DRD3: variants seen among roughly 807,000 people sequenced by gnomAD.
The protein encoded by DRD3 is dopamine receptor D3, also known as D(3) dopamine receptor.
In DRD3, 19 loss-of-function variants were observed where a neutral mutation model predicts 36.3. The ratio of observed to expected loss-of-function variants is 0.52; its 90% CI spans 0.36 to 0.77. DRD3 has a LOEUF of 0.77. DRD3 is among the 30% of genes least tolerant of loss of function. DRD3 has a pLI of 0.00. For synonymous variants in DRD3, 195 were observed against 203.7 expected, an observed-to-expected ratio of 0.96 and a Z score of 0.36; for missense variants, 465 against 505.3, an observed-to-expected ratio of 0.92 and a Z score of 0.77.
intron 4 of DRD3, among the ~76,000 whole-genome samples, chr3:114,143,496 G>A (rs555547444): frequency 1.3e-5 from 2 of 152,350 alleles, no homozygotes; most frequent in East Asian, 3.9e-4. Context: ...GACCCACCAT[G>A]ATGTGGACAG....
intron 3 of DRD3, among the ~76,000 whole-genome samples, chr3:114,148,806 A>G (rs324037): frequency 0.98 from 148,758 of 152,152 alleles, 72,812 homozygotes; most frequent in Middle Eastern, 1. Flanking sequence ...TCTGTCTCCC[A>G]GGTTCAAGCA....
intron 4 of DRD3, among the ~76,000 whole-genome samples, chr3:114,143,015 C>T (rs1459151352): frequency 6.6e-6 from 1 of 152,180 alleles, no homozygotes; most frequent in Non-Finnish European, 1.5e-5. Flanking sequence ...CAGAGTGATG[C>T]ACCACACAGC....
At chr3:114,181,978 G>A (rs993375148), upstream of DRD3, among the ~76,000 whole-genome samples, 2 of 152,128 alleles carry the variant, frequency 1.3e-5, no homozygotes, top group African/African-American at 4.8e-5. Context: ...TATGAATAAA[G>A]GAACATTTTG....
Position 114,128,701 on chromosome 3 carries a change from C to A in DRD3, c.*15G>T. On this transcript the variant is annotated 3_prime_UTR_variant, in exon 7 of 7. Transcript: ENST00000383673. ...GCTAGAAATGGGTACAAAGAGTGTT[C>A]CCTCTTCTGCTCCCTCAGCAAGACA... 6.3e-7 allele frequency: 1 copy of A among 1,575,144 alleles called. No homozygotes were observed. The highest frequency in any genetic ancestry group is 8.6e-7 in the Non-Finnish European group (1 of 1,158,674).
At chr3:114,134,446 A>C (rs2077458150) in intron 5 of DRD3, among the ~76,000 whole-genome samples, 1 of 151,992 alleles carries the variant, frequency 6.6e-6, no homozygotes, top group Admixed American at 6.6e-5. Flanking sequence ...TTTAAGACAA[A>C]GTCTCACTCT....
intron 1 of DRD3, among the ~76,000 whole-genome samples, chr3:114,197,222 C>T (rs571946872): frequency 5.3e-5 from 8 of 150,778 alleles, no homozygotes; most frequent in South Asian, 4.2e-4. Flanking sequence ...AGCGATCCCC[C>T]GGCCTAAGCA....
intron 3 of DRD3, among the ~76,000 whole-genome samples, chr3:114,152,936 C>T (rs767676515): frequency 6.6e-6 from 1 of 152,258 alleles, no homozygotes; most frequent in African/African-American, 2.4e-5. Flanking sequence ...TTCCCAGGTC[C>T]GGACCTGCCA....
intron 2 of DRD3, among the ~76,000 whole-genome samples, chr3:114,168,375 T>C (rs562141606): frequency 2.0e-5 from 3 of 152,340 alleles, no homozygotes; most frequent in African/African-American, 7.2e-5. Flanking sequence ...TGTGATACTT[T>C]ATTGCCTACG....
At chr3:114,145,582 A>T (rs1199459897) in intron 4 of DRD3, among the ~76,000 whole-genome samples, 2 of 152,222 alleles carry the variant, frequency 1.3e-5, no homozygotes, top group African/African-American at 4.8e-5. Context: ...GCATATTTAC[A>T]TATGTTATCC....
Position 114,147,313 on chromosome 3 carries a change from T to C in DRD3, c.526+102A>G, listed in dbSNP as rs1278138871. The C allele has an allele frequency of 3.5e-6, 5 of 1,444,172 alleles. No individual in the cohort carries two copies. In the African/African-American group the frequency reaches 7.1e-5, roughly 20 times the overall value. The allele number at this position is 1,444,172 out of a possible 1,614,324, so 89.5% of individuals were successfully genotyped here. A position where few individuals can be genotyped will look rare whatever the true frequency, so the allele number is the denominator to read the frequency against. On this transcript the variant is annotated intron_variant, in intron 4 of 6. Coordinates refer to ENST00000383673, the MANE Select transcript of DRD3 (RefSeq NM_000796.6). Reference sequence around the variant, plus strand: ...ATTCTCATTTAATTGCAAAGTACACTGACCGGGGGTCAGAAATTGCAGGGC... The same window carrying C: ...ATTCTCATTTAATTGCAAAGTACACCGACCGGGGGTCAGAAATTGCAGGGC...
upstream of DRD3, among the ~76,000 whole-genome samples, chr3:114,181,453 C>A (rs930359454): frequency 6.6e-6 from 1 of 152,188 alleles, no homozygotes; most frequent in African/African-American, 2.4e-5. Flanking sequence ...ATTCATACAA[C>A]AACAAACAAT....
intron 3 of DRD3, among the ~76,000 whole-genome samples, chr3:114,157,542 G>A (rs1207252331): frequency 6.6e-6 from 1 of 152,102 alleles, no homozygotes; most frequent in South Asian, 2.1e-4. Flanking sequence ...GCTTTTTCTA[G>A]AGGTCATAGC....
chr3:114,175,357 ACATTCATGGTGG>A lies in DRD3; in HGVS notation c.-36+3288_-36+3299del, dbSNP rs368982289. 3.0e-3 allele frequency among the ~76,000 whole-genome samples: 458 copies of A among 152,296 alleles called. 4 individuals are homozygous for A. The highest frequency in any genetic ancestry group is 0.011 in the African/African-American group (437 of 41,556). ...CTAGTGAACTTGGAAATGATGACTG[ACATTCATGGTGG>A]CATTCATGCTTAAACATTCATGAAG... is the stretch of plus-strand genomic sequence containing the variant. On this transcript the variant is annotated intron_variant, in intron 1 of 6. Coordinates refer to ENST00000383673, the MANE Select transcript of DRD3 (RefSeq NM_000796.6).
chr3:114,128,822 C>T lies in DRD3; in HGVS notation c.1097G>A (p.Ser366Asn). 1 of 1,614,024 alleles carries T rather than the reference C, an allele frequency of 6.2e-7. No individual in the cohort carries two copies. Among genetic ancestry groups the T allele is most frequent in the East Asian group, 2.2e-5 (1 of 44,866 alleles). ...CACGTAGCCCAGCCATGTCGTGGCACTGTAAAGCTCTGGGGACACGTGGCA... is the reference window on the plus strand; with the variant it reads ...CACGTAGCCCAGCCATGTCGTGGCATTGTAAAGCTCTGGGGACACGTGGCA... The part of the protein sequence containing the change: ...QTCHVSPELY[S>N]ATTWLGYVNS... The change falls in exon 7 of 7, where the codon AGT becomes AAT. Residue 366 changes from serine (S) to asparagine (N), a missense_variant. Coordinates refer to ENST00000383673, the MANE Select transcript of DRD3 (RefSeq NM_000796.6).
At chr3:114,134,007 G>C (rs2077454448) in intron 5 of DRD3, among the ~76,000 whole-genome samples, 1 of 152,218 alleles carries the variant, frequency 6.6e-6, no homozygotes, top group African/African-American at 2.4e-5. Flanking sequence ...TTTCTAACTA[G>C]ATTATTTCTT....
chr3:114,146,698 C>CAAAAAA (rs72463214), intron 4 of DRD3, among the ~76,000 whole-genome samples: 3 of 57,964 alleles, frequency 5.2e-5, no homozygotes, highest in Non-Finnish European at 7.5e-5. Flanking sequence ...GACTTGGTCT[C>CAAAAAA]AAAAAAAAAA....
intron 4 of DRD3, among the ~76,000 whole-genome samples, chr3:114,141,164 T>C (rs2077520438): frequency 6.6e-6 from 1 of 152,216 alleles, no homozygotes; most frequent in Non-Finnish European, 1.5e-5. Flanking sequence ...CCCAAGTAGC[T>C]GGGATTACAG....
At chr3:114,190,824 C>T (rs1251818324) in intron 1 of DRD3, among the ~76,000 whole-genome samples, 1 of 151,754 alleles carries the variant, frequency 6.6e-6, no homozygotes, top group Non-Finnish European at 1.5e-5. Flanking sequence ...AAGGGAGACC[C>T]CAAAGTAGGA....
intron 3 of DRD3, among the ~76,000 whole-genome samples, chr3:114,156,092 G>A (rs568257712): frequency 6.6e-5 from 10 of 152,216 alleles, no homozygotes; most frequent in African/African-American, 2.4e-4. Context: ...AGGTACTGTT[G>A]TTATCTTCAA....
Sources: allele counts gnomAD v4.1 joint callset (sites outside exome capture counted in the v4.1 genomes callset), GRCh38; gene constraint gnomAD v4.1.1; transcripts MANE v1.5; gene names NCBI Gene and HGNC (gene_info 2026-07-23, HGNC 2026-07-21).